Variants in RMST observed in about 807,000 individuals in gnomAD.
RMST encodes the protein rhabdomyosarcoma 2 associated transcript.
At chr12:97,564,304 T>C (rs2136683620) in exon 14 of RMST, 1 of 169,596 alleles carries the variant, frequency 5.9e-6, no homozygotes, top group South Asian at 1.5e-4. Flanking sequence ...GGTCCAGATT[T>C]CTCTACTCCC....
At chr12:97,527,517 A>G (rs761848954) in intron 10 of RMST, among the ~76,000 whole-genome samples, 10 of 152,164 alleles carry the variant, frequency 6.6e-5, no homozygotes, top group Non-Finnish European at 1.3e-4. Flanking sequence ...TTAGAAAATA[A>G]AAGTAAGAGT....
chr12:97,474,995 G>A (rs1381356725), intron 5 of RMST, among the ~76,000 whole-genome samples: 3 of 152,116 alleles, frequency 2.0e-5, no homozygotes, highest in African/African-American at 7.2e-5. Context: ...CAATAAAGTA[G>A]CCAAAGTATT....
chr12:97,475,744 G>T (rs1171664425), intron 5 of RMST, among the ~76,000 whole-genome samples: 4 of 151,882 alleles, frequency 2.6e-5, no homozygotes, highest in Non-Finnish European at 5.9e-5. Flanking sequence ...TTAAGTAGTG[G>T]GTCCTCTTGT....
At chr12:97,537,827 A>G (rs190187715) in intron 11 of RMST, among the ~76,000 whole-genome samples, 1 of 151,542 alleles carries the variant, frequency 6.6e-6, no homozygotes, top group Admixed American at 6.6e-5. Context: ...AACAGATGGG[A>G]TGTCAGCCAG....
At chr12:97,513,028 C>A (rs964168273) in intron 10 of RMST, among the ~76,000 whole-genome samples, 2 of 152,234 alleles carry the variant, frequency 1.3e-5, no homozygotes, top group Non-Finnish European at 2.9e-5. Context: ...GCCGGCCGCT[C>A]CAACTGCGGG....
chr12:97,564,887 T>C (rs1231660982), exon 14 of RMST: 1 of 152,214 alleles, frequency 6.6e-6, no homozygotes, highest in East Asian at 1.9e-4. Flanking sequence ...AACTGTTTAA[T>C]ATTGACTATG....
At chr12:97,549,209 C>A (rs2136643558) in intron 11 of RMST, among the ~76,000 whole-genome samples, 1 of 152,234 alleles carries the variant, frequency 6.6e-6, no homozygotes, top group African/African-American at 2.4e-5. Context: ...ACTTCAAGTC[C>A]TTTATAGTTT....
intron 5 of RMST, among the ~76,000 whole-genome samples, chr12:97,479,100 T>C (rs1436826082): frequency 6.6e-6 from 1 of 151,448 alleles, no homozygotes; most frequent in Non-Finnish European, 1.5e-5. Flanking sequence ...GAAAATTTGG[T>C]GTATCTGTAC....
intron 11 of RMST, among the ~76,000 whole-genome samples, chr12:97,542,009 C>A (rs1314336641): frequency 6.6e-6 from 1 of 151,802 alleles, no homozygotes; most frequent in Non-Finnish European, 1.5e-5. Context: ...AATTATTTGT[C>A]TTTTAAATTC....
intron 11 of RMST, among the ~76,000 whole-genome samples, chr12:97,556,487 C>T (rs1377932397): frequency 1.3e-5 from 2 of 152,156 alleles, no homozygotes; most frequent in Non-Finnish European, 2.9e-5. Context: ...GAAGCCTTGA[C>T]AAGAAATTAA....
Position 97,556,717 on chromosome 12 carries a change from A to C in RMST, n.1546-3820A>C, listed in dbSNP as rs937901535. Among the ~76,000 whole-genome samples the C allele has an allele frequency of 9.3e-4, 141 of 152,126 alleles. 3 individuals carry two copies. The highest frequency in any genetic ancestry group is 9.2e-3 in the Admixed American group (140 of 15,260). On this transcript the variant is annotated intron_variant and non_coding_transcript_variant, in intron 11 of 13. Transcript: ENST00000640149. ...AGCTTGGAGCCTCTTTCTGGCTTGG[A>C]AGGCATGTTCATGGGCAAACAGCCA... is the stretch of plus-strand genomic sequence containing the variant.
intron 10 of RMST, among the ~76,000 whole-genome samples, chr12:97,517,968 T>G (rs770075164): frequency 1.3e-5 from 2 of 152,154 alleles, no homozygotes; most frequent in African/African-American, 2.4e-5. Context: ...TCACCAGCAC[T>G]GAATATTACT....
intron 10 of RMST, among the ~76,000 whole-genome samples, chr12:97,504,051 C>T (rs1264395948): frequency 1.3e-5 from 2 of 152,122 alleles, no homozygotes; most frequent in African/African-American, 2.4e-5. Flanking sequence ...TGTGCCACCA[C>T]GCCCTGCTAA....
chr12:97,481,682 C>T (rs765559515), intron 5 of RMST, among the ~76,000 whole-genome samples: 3 of 152,190 alleles, frequency 2.0e-5, no homozygotes, highest in Non-Finnish European at 2.9e-5. Context: ...TAAATTGCAG[C>T]ATCTTTGGCA....
intron 5 of RMST, among the ~76,000 whole-genome samples, chr12:97,477,969 T>C (rs1441537582): frequency 6.6e-6 from 1 of 152,226 alleles, no homozygotes; most frequent in African/African-American, 2.4e-5. Context: ...GAATGTCAGG[T>C]TGAATCTCAG....
chr12:97,510,968 T>C (rs1369975405), intron 10 of RMST, among the ~76,000 whole-genome samples: 1 of 152,192 alleles, frequency 6.6e-6, no homozygotes, highest in African/African-American at 2.4e-5. Flanking sequence ...GATCTTTTTA[T>C]TGTTTTTCAC....
chr12:97,463,268 C>T (rs1333504789), exon 4 of RMST: 2 of 152,290 alleles, frequency 1.3e-5, no homozygotes, highest in African/African-American at 4.8e-5. Flanking sequence ...AATAACAAGA[C>T]TGTCCTTCGG....
At chr12:97,495,352 A>C (rs1466096779) in intron 9 of RMST, among the ~76,000 whole-genome samples, 2 of 152,116 alleles carry the variant, frequency 1.3e-5, no homozygotes, top group Non-Finnish European at 2.9e-5. Context: ...TGTGTCTACT[A>C]TTGTAATAAT....
intron 10 of RMST, among the ~76,000 whole-genome samples, chr12:97,529,879 ATGTAAT>A (rs1310745116): frequency 2.6e-5 from 4 of 152,146 alleles, no homozygotes; most frequent in Admixed American, 6.6e-5. Flanking sequence ...TTGTATTAAA[ATGTAAT>A]TGTATCTTCC....
Sources: allele counts gnomAD v4.1 joint callset (sites outside exome capture counted in the v4.1 genomes callset), GRCh38; gene constraint gnomAD v4.1.1; transcripts MANE v1.5; gene names NCBI Gene and HGNC (gene_info 2026-07-23, HGNC 2026-07-21).